The following MCF2L variants were observed in gnomAD, a reference collection of about 807,000 sequenced individuals.
MCF2L encodes guanine nucleotide exchange factor DBS.
MCF2L carries 97 observed loss-of-function variants against 153.4 expected under a neutral mutation model. The ratio of observed to expected loss-of-function variants is 0.63; its 90% CI spans 0.54 to 0.75. The LOEUF is 0.75. MCF2L is among the 30% of genes least tolerant of loss of function. The pLI, the probability that MCF2L is intolerant of heterozygous loss-of-function variation, is 0.00. For synonymous variants in MCF2L, 659 were observed against 632.2 expected (o/e 1.04, Z -0.64); for missense variants, 1,347 against 1,495.2 (o/e 0.90, Z 1.64).
At chr13:112,939,968 CA>C (rs34815677) in intron 2 of MCF2L, among the ~76,000 whole-genome samples, 280 of 131,596 alleles carry the variant, frequency 2.1e-3, no homozygotes, top group Admixed American at 2.8e-3. Context: ...GACTCCATCT[CA>C]AAAAAAAAAA....
intron 2 of MCF2L, among the ~76,000 whole-genome samples, chr13:112,919,333 G>A: frequency 6.8e-6 from 1 of 147,598 alleles, no homozygotes; most frequent in East Asian, 2.0e-4. Flanking sequence ...AGCCTCCCAA[G>A]TAGCTGGGAC....
intron 3 of MCF2L, among the ~76,000 whole-genome samples, chr13:113,026,184 C>T (rs113496640): frequency 6.6e-5 from 9 of 136,470 alleles, no homozygotes; most frequent in Admixed American, 1.5e-4. Context: ...GGTGGGGTCC[C>T]CGTGACTGTG....
chr13:112,968,804 G>C, upstream of MCF2L: 1 of 1,337,746 alleles, frequency 7.5e-7, no homozygotes, highest in Non-Finnish European at 9.6e-7. Context: ...CGCAAACCAG[G>C]AGGGCGTGGA....
chr13:113,076,286 T>G (rs1745960), intron 12 of MCF2L, 129 bp downstream of exon 12: 2 of 661,596 alleles, frequency 3.0e-6, no homozygotes, highest in Non-Finnish European at 4.4e-6. Context: ...TTTTTTGAGA[T>G]GGAATCTCGC....
chr13:112,908,073 T>C (rs778422134), intron 2 of MCF2L, among the ~76,000 whole-genome samples: 5 of 152,184 alleles, frequency 3.3e-5, no homozygotes, highest in Non-Finnish European at 4.4e-5. Context: ...TTTTAAGACA[T>C]GTGTTCAGTG....
At chr13:113,061,678 GC>G (rs1342689559) in intron 5 of MCF2L, among the ~76,000 whole-genome samples, 1 of 104,928 alleles carries the variant, frequency 9.5e-6, no homozygotes, top group African/African-American at 3.9e-5. Flanking sequence ...CCCATGTACT[GC>G]CCCCTTCCCC....
chr13:113,002,102 C>A, intron 1 of MCF2L: 1 of 1,227,424 alleles, frequency 8.1e-7, no homozygotes, highest in Non-Finnish European at 1.1e-6. Flanking sequence ...GCTGCTGGGG[C>A]AGAAGCCCGG....
chr13:112,924,081 C>T (rs142841342), intron 2 of MCF2L, among the ~76,000 whole-genome samples: 9 of 152,070 alleles, frequency 5.9e-5, no homozygotes, highest in African/African-American at 2.2e-4. Context: ...TTAAATTTGA[C>T]GACATGGTTA....
intron 2 of MCF2L, among the ~76,000 whole-genome samples, chr13:112,930,404 TA>T (rs767404635): frequency 3.3e-5 from 5 of 152,160 alleles, no homozygotes; most frequent in Non-Finnish European, 5.9e-5. Context: ...AGAGGAAACT[TA>T]GATGCTTATT....
At chr13:113,091,861 T>A (rs1266981811) in intron 26 of MCF2L, among the ~76,000 whole-genome samples, 1 of 152,146 alleles carries the variant, frequency 6.6e-6, no homozygotes, top group Non-Finnish European at 1.5e-5. Context: ...TTCAAAAATT[T>A]GCAAAGGTTC....
Position 113,006,537 on chromosome 13 carries a change from C to T in MCF2L, c.80-8226C>T, listed in dbSNP as rs78824232. On this transcript the variant is annotated intron_variant, in intron 1 of 29. Coordinates refer to ENST00000535094, the MANE Select transcript of MCF2L (RefSeq NM_001112732.3). ...GCCATTCCAGGTGCAGCTGCCAGTG[C>T]GACCCCTCCTGCGGACAGGAGGTCC... 9.0e-3 allele frequency among the ~76,000 whole-genome samples: 1,373 copies of T among 152,292 alleles called. 16 individuals are homozygous for T. The highest frequency in any genetic ancestry group is 0.03 in the African/African-American group (1,267 of 41,560).
At chr13:113,020,553 G>A (rs2084808444) in intron 2 of MCF2L, among the ~76,000 whole-genome samples, 1 of 152,256 alleles carries the variant, frequency 6.6e-6, no homozygotes, top group Non-Finnish European at 1.5e-5. Flanking sequence ...TGTGCTGCCT[G>A]GTGAGGGCTC....
At chr13:112,996,812 G>A (rs2083154944) in intron 1 of MCF2L, among the ~76,000 whole-genome samples, 2 of 152,192 alleles carry the variant, frequency 1.3e-5, no homozygotes, top group Non-Finnish European at 1.5e-5. Flanking sequence ...TGCCGCCCAC[G>A]GCACCTGGAC....
intron 1 of MCF2L, among the ~76,000 whole-genome samples, chr13:112,984,243 T>C (rs1183839291): frequency 6.6e-6 from 1 of 151,816 alleles, no homozygotes; most frequent in Non-Finnish European, 1.5e-5. Context: ...AATTCTCCTT[T>C]TTTTTTTTTT....
At chr13:113,062,212 G>A (rs112841666) in intron 5 of MCF2L, among the ~76,000 whole-genome samples, 13,995 of 152,042 alleles carry the variant, frequency 0.092, 854 homozygotes, top group African/African-American at 0.18. Flanking sequence ...GCAGGGACTC[G>A]TGGGCAGTGG....
At position 113,082,496 on chromosome 13, in the gene MCF2L, G is replaced by T. The variant is rs777875371; in HGVS notation, c.1945G>T (p.Asp649Tyr). 6.2e-7 allele frequency: 1 copy of T among 1,614,028 alleles called. No individual in the cohort carries two copies. The highest frequency in any genetic ancestry group is 8.5e-7 in the Non-Finnish European group (1 of 1,179,920). ...GTCAACAGGCCTTCACAACAAGAAG[G>T]ATGTTTTGTTTGGAAACATGGAGGA... ...LLSTGLHNKK[D>Y]VLFGNMEEIY... Residue 649 changes from aspartate (D) to tyrosine (Y), a missense_variant, in exon 17 of 30, where the codon GAT (aspartate) becomes TAT (tyrosine). By Grantham distance (160) the Asp-to-Tyr change is radical. Around this residue, in one of 3 missense-constraint regions of MCF2L, gnomAD observed 820 missense variants for 921.2 expected, o/e 0.89. Transcript: ENST00000535094.
intron 2 of MCF2L, among the ~76,000 whole-genome samples, chr13:112,924,221 AC>A (rs1365440894): frequency 6.6e-6 from 1 of 150,822 alleles, no homozygotes; most frequent in Non-Finnish European, 1.5e-5. Context: ...GCTCCCCACA[AC>A]CCCCCCACGA....
In MCF2L at chr13:113,064,293, T is replaced by A. The variant is rs2032019685; in HGVS notation, c.490-11T>A. ...TCCCAAACACTACCACGCATTCCCTTTCTCCTCCAGGTCATAATGCTGAGC... is the reference window on the plus strand; with the variant it reads ...TCCCAAACACTACCACGCATTCCCTATCTCCTCCAGGTCATAATGCTGAGC... On this transcript the variant is annotated splice_polypyrimidine_tract_variant and intron_variant, in intron 5 of 29. Transcript: ENST00000535094. This position sits in a 1 kb window ranked among gnomAD's most constrained non-coding sequence, Gnocchi z 6.0. 5.6e-6 allele frequency: 9 copies of A among 1,596,234 alleles called. No individual in the cohort carries two copies. The highest frequency in any genetic ancestry group is 7.7e-6 in the Non-Finnish European group (9 of 1,164,826).
intron 2 of MCF2L, among the ~76,000 whole-genome samples, chr13:112,929,654 C>T (rs1566644624): frequency 6.6e-6 from 1 of 152,242 alleles, no homozygotes; most frequent in African/African-American, 2.4e-5. Flanking sequence ...AGCTCCAGAC[C>T]CTGGCCCCTT....
Sources: gnomAD v4.1 joint callset for allele counts (sites outside exome capture counted in the v4.1 genomes callset) on GRCh38, gnomAD v4.1.1 for gene constraint, gnomAD v4.1.1 regional missense constraint, Gnocchi (gnomAD v3.1) non-coding constraint, MANE v1.5 for transcripts, NCBI Gene and HGNC (gene_info 2026-07-23, HGNC 2026-07-21) for gene names.